CLEC17A: variants seen among roughly 807,000 people sequenced by gnomAD.
CLEC17A encodes the protein C-type lectin domain containing 17A.
In CLEC17A, 37 loss-of-function variants were observed where a neutral mutation model predicts 61.3. That is an observed-to-expected ratio of 0.60 (90% CI 0.46 to 0.79). The LOEUF is 0.79. Ranked by LOEUF, CLEC17A falls within the 30% of genes least tolerant of loss-of-function variation. CLEC17A has a pLI of 0.00. For synonymous variants in CLEC17A, 168 were observed against 164.9 expected (o/e 1.02, Z -0.14); for missense variants, 418 against 464.7 (o/e 0.90, Z 0.92).
chr19:14,594,797 C>G lies in CLEC17A; in HGVS notation c.400C>G (p.Leu134Val), dbSNP rs777139189. The part of the protein sequence containing the change: ...LAAVTCPPPQ[L>V]AVNLEPSPLQ... ...CGCTGTCACCTGTCCACCTCCTCAA[C>G]TGGGTGAGCAGTGGGAAGACCCTTT... The change falls in exon 7 of 14, where the codon CTG (leucine) becomes GTG (valine). Residue 134 changes from leucine (L) to valine (V), a missense_variant. By Grantham distance (32) the Leu-to-Val change is conservative (BLOSUM62 1). Coordinates refer to ENST00000417570, the MANE Select transcript of CLEC17A (RefSeq NM_001204118.2). 3 of 1,613,700 alleles carry G rather than the reference C, an allele frequency of 1.9e-6. No homozygotes were observed. In the South Asian group the frequency reaches 3.3e-5, roughly 18 times the overall value.
chr19:14,591,944 G>GTGTGTGTTTGT (rs2074429767), intron 3 of CLEC17A, among the ~76,000 whole-genome samples: 1 of 151,040 alleles, frequency 6.6e-6, no homozygotes, highest in African/African-American at 2.5e-5. Flanking sequence ...GTTTGTGTGA[G>GTGTGTGTTTGT]GTCCAGGGGC....
At chr19:14,599,924 C>A in intron 11 of CLEC17A, 107 bp from the exon 12 acceptor site, 1 of 1,512,324 alleles carries the variant, frequency 6.6e-7, no homozygotes, top group South Asian at 1.2e-5. Flanking sequence ...GTGCCCCTCC[C>A]CCTCACCGGA....
chr19:14,593,683 G>A (rs1322075544), intron 4 of CLEC17A, among the ~76,000 whole-genome samples: 1 of 151,796 alleles, frequency 6.6e-6, no homozygotes, highest in Non-Finnish European at 1.5e-5. Flanking sequence ...AACACGGGCT[G>A]GGTGCGGTGG....
At chr19:14,605,720 C>A (rs2074845949) in intron 12 of CLEC17A, among the ~76,000 whole-genome samples, 1 of 152,040 alleles carries the variant, frequency 6.6e-6, no homozygotes, top group South Asian at 2.1e-4. Flanking sequence ...TAAGTCCTTT[C>A]TTTTCTTCCA....
intron 12 of CLEC17A, among the ~76,000 whole-genome samples, chr19:14,606,569 A>G (rs769138420): frequency 2.0e-5 from 3 of 151,200 alleles, no homozygotes; most frequent in Non-Finnish European, 4.4e-5. Context: ...AATCCCAGCT[A>G]CTCGGGAGGT....
At chr19:14,603,815 C>T (rs1278656330) in intron 12 of CLEC17A, among the ~76,000 whole-genome samples, 1 of 152,148 alleles carries the variant, frequency 6.6e-6, no homozygotes, top group Non-Finnish European at 1.5e-5. Context: ...TCCTGAGCAC[C>T]TACTATGTGC....
intron 3 of CLEC17A, chr19:14,588,666 G>A (rs1342950754): frequency 6.6e-6 from 1 of 151,974 alleles, no homozygotes; most frequent in Non-Finnish European, 1.5e-5. Context: ...TAAAAAAATA[G>A]AGAAAATGAA....
chr19:14,584,631 A>G (rs999876462), intron 2 of CLEC17A, among the ~76,000 whole-genome samples: 2 of 151,942 alleles, frequency 1.3e-5, no homozygotes, highest in African/African-American at 4.8e-5. Flanking sequence ...ATATGGTGGG[A>G]CTTGCCTGAG....
intron 10 of CLEC17A, 93 bp from the exon 11 acceptor site, chr19:14,599,624 C>T: frequency 1.1e-6 from 1 of 887,796 alleles, no homozygotes; most frequent in East Asian, 2.6e-5. Flanking sequence ...GGGAACACAA[C>T]CCTTGCTTCT....
At position 14,595,255 on chromosome 19, in the gene CLEC17A, C is replaced by T. The variant is rs577862177; in HGVS notation, c.404-19C>T. The T allele has an allele frequency of 2.4e-4, 387 of 1,613,892 alleles. 1 individual carries two copies. Among genetic ancestry groups the T allele is most frequent in the Non-Finnish European group, 3.1e-4 (362 of 1,179,762 alleles). The stretch of plus-strand genomic sequence containing the variant: ...TCTTTGGCATCTTCTGAATAAACCT[C>T]TCTCCCCCTTTCTCCCAGCTGTGAA... On this transcript the variant is annotated intron_variant, in intron 7 of 13. Coordinates refer to ENST00000417570, the MANE Select transcript of CLEC17A (RefSeq NM_001204118.2).
At chr19:14,609,953 A>G (rs2075008772) in intron 13 of CLEC17A, 111 bp from the exon 14 acceptor site, 4 of 764,622 alleles carry the variant, frequency 5.2e-6, no homozygotes, top group Admixed American at 4.5e-5. Context: ...ACGGCCTAAT[A>G]TGGGTTTTGC....
At chr19:14,605,929 G>A (rs2074854492) in intron 12 of CLEC17A, among the ~76,000 whole-genome samples, 1 of 151,974 alleles carries the variant, frequency 6.6e-6, no homozygotes, top group African/African-American at 2.4e-5. Flanking sequence ...TTGTAGATAT[G>A]GGGTCTCAGT....
At chr19:14,597,543 C>T (rs991586587) in intron 10 of CLEC17A, among the ~76,000 whole-genome samples, 2 of 152,064 alleles carry the variant, frequency 1.3e-5, no homozygotes, top group Non-Finnish European at 2.9e-5. Flanking sequence ...GTTCGAGACC[C>T]GACTGGGCAA....
chr19:14,584,325 T>A (rs2074238110), intron 2 of CLEC17A: 1 of 152,068 alleles, frequency 6.6e-6, no homozygotes, highest in Non-Finnish European at 1.5e-5. Flanking sequence ...CCCAAGCTGA[T>A]CAGTAGTGCG....
chr19:14,599,518 C>T (rs917289901), intron 10 of CLEC17A, 199 bp from the exon 11 acceptor site: 26 of 644,156 alleles, frequency 4.0e-5, no homozygotes, highest in South Asian at 8.5e-5. Context: ...CCCACATCCC[C>T]GGGATTGATC....
intron 4 of CLEC17A, among the ~76,000 whole-genome samples, chr19:14,593,376 G>T (rs1010823692): frequency 1.3e-5 from 2 of 151,554 alleles, no homozygotes; most frequent in Non-Finnish European, 2.9e-5. Flanking sequence ...GCCAGGCGTG[G>T]TGGCTCATGC....
rs1337753453 is a variant in CLEC17A, at chr19:14,583,177, C to A, written c.17C>A (p.Ser6Tyr). The change falls in exon 1 of 14, where the codon TCC becomes TAC. Residue 6 changes from serine (S) to tyrosine (Y), a missense_variant. Ser to Tyr is a moderately radical substitution (Grantham distance 144). Transcript: ENST00000417570. Reference protein sequence around the residue: MHNLYSITGYPDPPGT... With the variant: MHNLYYITGYPDPPGT... ...GTGCTAGACATGCATAATCTGTATTCCATCACTGGGTACCCGGACCCACCA... is the reference window on the plus strand; with the variant it reads ...GTGCTAGACATGCATAATCTGTATTACATCACTGGGTACCCGGACCCACCA... 6 of 1,613,986 alleles carry A rather than the reference C, an allele frequency of 3.7e-6. No individual in the cohort carries two copies. Among genetic ancestry groups the A allele is most frequent in the Admixed American group, 1.7e-5 (1 of 60,020 alleles).
At chr19:14,597,051 G>C in intron 9 of CLEC17A, 38 bp downstream of exon 9, 1 of 1,611,652 alleles carries the variant, frequency 6.2e-7, no homozygotes, top group Non-Finnish European at 8.5e-7. Flanking sequence ...GAGAGATTGG[G>C]GAGGGTGCAC....
At chr19:14,606,366 C>A (rs1319978747) in intron 12 of CLEC17A, among the ~76,000 whole-genome samples, 2 of 144,126 alleles carry the variant, frequency 1.4e-5, no homozygotes, top group Non-Finnish European at 3.0e-5. Flanking sequence ...CAGAGTGAGA[C>A]CCTGTCTCAA....
Sources: gnomAD v4.1 joint callset for allele counts (sites outside exome capture counted in the v4.1 genomes callset) on GRCh38, gnomAD v4.1.1 for gene constraint, MANE v1.5 for transcripts, NCBI Gene and HGNC (gene_info 2026-07-23, HGNC 2026-07-21) for gene names.